SSBP2: variants seen among roughly 807,000 people sequenced by gnomAD.
SSBP2 encodes single stranded DNA binding protein 2.
Under a neutral mutation model 61.8 loss-of-function variants are expected in SSBP2, and 17 were observed. That is an observed-to-expected ratio of 0.28 (90% confidence interval 0.19 to 0.41). The LOEUF is 0.41. Ranked by LOEUF, SSBP2 falls within the 10% of genes least tolerant of loss-of-function variation. SSBP2 has a pLI of 1.00. For missense variants in SSBP2, 310 were observed against 458.7 expected (o/e 0.68, Z 2.96); for synonymous variants, 139 against 141.3 (o/e 0.98, Z 0.12).
intron 1 of SSBP2, among the ~76,000 whole-genome samples, chr5:81,679,853 G>C (rs1344204628): frequency 9.9e-5 from 15 of 151,874 alleles, no homozygotes. Context: ...GTGTCTGGGA[G>C]AGACTTGCAT....
At chr5:81,547,813 T>G (rs1378008279) in intron 4 of SSBP2, among the ~76,000 whole-genome samples, 1 of 151,972 alleles carries the variant, frequency 6.6e-6, no homozygotes, top group Non-Finnish European at 1.5e-5. Flanking sequence ...AGGAAACCAA[T>G]CTGAAAAGGC....
chr5:81,431,630 G>A (rs1762297901), intron 15 of SSBP2, among the ~76,000 whole-genome samples: 1 of 151,796 alleles, frequency 6.6e-6, no homozygotes, highest in African/African-American at 2.4e-5. Flanking sequence ...TGTCACCTAG[G>A]CTGGAATACA....
chr5:81,614,805 G>GT (rs374739279), intron 4 of SSBP2, among the ~76,000 whole-genome samples: 5 of 150,910 alleles, frequency 3.3e-5, no homozygotes, highest in Admixed American at 1.3e-4. Flanking sequence ...TATCTTCACT[G>GT]TTTTTTTTCT....
intron 5 of SSBP2, among the ~76,000 whole-genome samples, chr5:81,505,129 G>T (rs1161187291): frequency 6.6e-6 from 1 of 151,222 alleles, no homozygotes; most frequent in African/African-American, 2.4e-5. Flanking sequence ...TGGCTCACAG[G>T]CCAAATGCTG....
chr5:81,545,704 C>T (rs549032594), intron 4 of SSBP2, among the ~76,000 whole-genome samples: 5 of 152,190 alleles, frequency 3.3e-5, no homozygotes, highest in East Asian at 3.9e-4. Context: ...TCAGCTTAGA[C>T]AAGTACTAAC....
chr5:81,638,817 T>A (rs2153681757), intron 2 of SSBP2, among the ~76,000 whole-genome samples: 1 of 152,340 alleles, frequency 6.6e-6, no homozygotes, highest in African/African-American at 2.4e-5. Context: ...CAATTGTCTA[T>A]GCTCCTAGCA....
chr5:81,647,969 C>T (rs1424488094), intron 2 of SSBP2, among the ~76,000 whole-genome samples: 1 of 152,050 alleles, frequency 6.6e-6, no homozygotes, highest in Non-Finnish European at 1.5e-5. Context: ...GTTTAATAAT[C>T]ACTGTATCTA....
intron 5 of SSBP2, among the ~76,000 whole-genome samples, chr5:81,505,168 A>G (rs1768085740): frequency 6.6e-6 from 1 of 152,234 alleles, no homozygotes; most frequent in African/African-American, 2.4e-5. Flanking sequence ...TTGTAAGTGA[A>G]GTTTTACTGA....
intron 5 of SSBP2, among the ~76,000 whole-genome samples, chr5:81,498,683 A>G (rs562017574): frequency 2.0e-5 from 3 of 152,162 alleles, no homozygotes; most frequent in Admixed American, 6.5e-5. Context: ...AATTTTCTCT[A>G]TATAGATTTC....
chr5:81,635,199 T>C (rs1748092707), intron 3 of SSBP2, among the ~76,000 whole-genome samples: 1 of 151,756 alleles, frequency 6.6e-6, no homozygotes, highest in African/African-American at 2.4e-5. Context: ...TATAAAGGTA[T>C]GAACATAACT....
chr5:81,582,261 T>A (rs190690220), intron 4 of SSBP2, among the ~76,000 whole-genome samples: 122 of 152,300 alleles, frequency 8.0e-4, no homozygotes, highest in African/African-American at 2.8e-3. Context: ...AACAAGACTA[T>A]GTTTTCTTTA....
At chr5:81,720,071 G>T (rs1264695853) in intron 1 of SSBP2, among the ~76,000 whole-genome samples, 3 of 152,052 alleles carry the variant, frequency 2.0e-5, no homozygotes, top group Non-Finnish European at 2.9e-5. Flanking sequence ...AGCCAGCAAG[G>T]CCCCAAGATG....
chr5:81,558,815 A>T (rs1454298362), intron 4 of SSBP2, among the ~76,000 whole-genome samples: 3 of 152,342 alleles, frequency 2.0e-5, no homozygotes, highest in Middle Eastern at 3.4e-3. Context: ...AAAAATATTT[A>T]TCATACAAAA....
chr5:81,540,220 T>C (rs1771153572), intron 4 of SSBP2, among the ~76,000 whole-genome samples: 1 of 152,226 alleles, frequency 6.6e-6, no homozygotes, highest in Non-Finnish European at 1.5e-5. Flanking sequence ...CATGCATCTT[T>C]ATAGCAGCAT....
At chr5:81,454,711 T>A (rs9293274) in intron 10 of SSBP2, among the ~76,000 whole-genome samples, 1 of 148,228 alleles carries the variant, frequency 6.7e-6, no homozygotes, top group South Asian at 2.1e-4. Context: ...TAAATAAAAA[T>A]AAAAAAGAGA....
intron 2 of SSBP2, among the ~76,000 whole-genome samples, chr5:81,637,035 G>C (rs1351990680): frequency 1.3e-5 from 2 of 152,202 alleles, no homozygotes; most frequent in East Asian, 3.8e-4. Context: ...TTTTCTGTTA[G>C]CTTACTATTC....
chr5:81,466,117 G>T (rs1227456392), intron 9 of SSBP2, among the ~76,000 whole-genome samples: 1 of 152,068 alleles, frequency 6.6e-6, no homozygotes, highest in African/African-American at 2.4e-5. Flanking sequence ...AAACACACTT[G>T]AGGAGACACC....
chr5:81,638,856 T>G (rs1025078478), intron 2 of SSBP2, among the ~76,000 whole-genome samples: 3 of 152,218 alleles, frequency 2.0e-5, no homozygotes, highest in African/African-American at 7.2e-5. Flanking sequence ...ATGAATCATT[T>G]AAACAGAAAA....
chr5:81,735,875 T>C (rs1263232051), intron 1 of SSBP2, among the ~76,000 whole-genome samples: 1 of 152,178 alleles, frequency 6.6e-6, no homozygotes, highest in Non-Finnish European at 1.5e-5. Context: ...TCCTCTGAGA[T>C]TAAGCTTATC....
Sources: gnomAD v4.1 joint callset for allele counts (sites outside exome capture counted in the v4.1 genomes callset) on GRCh38, gnomAD v4.1.1 for gene constraint, MANE v1.5 for transcripts, NCBI Gene and HGNC (gene_info 2026-07-23, HGNC 2026-07-21) for gene names.